The following ADGRV1 variants were observed in gnomAD, a reference collection of about 807,000 sequenced individuals.
The protein encoded by ADGRV1 is adhesion G protein-coupled receptor V1.
Under a neutral mutation model 596.2 loss-of-function variants are expected in ADGRV1, and 359 were observed. That is an observed-to-expected ratio of 0.60 (90% CI 0.55 to 0.66). The LOEUF (loss-of-function observed/expected upper bound fraction) is 0.66, where lower values mean the gene tolerates loss of function less well. Ranked by LOEUF, ADGRV1 falls within the 30% of genes least tolerant of loss-of-function variation. The pLI is 0.00. For missense variants in ADGRV1, 7,274 were observed against 7,575.6 expected (o/e 0.96, Z 1.48); for synonymous variants, 2,681 against 2,679.2 (o/e 1.00, Z -0.02).
At chr5:90,765,768 G>T (rs745705162) in intron 59 of ADGRV1, among the ~76,000 whole-genome samples, 4 of 151,598 alleles carry the variant, frequency 2.6e-5, no homozygotes, top group Non-Finnish European at 5.9e-5. Flanking sequence ...GCAGTGATGC[G>T]ATCATAGCTC....
chr5:90,755,261 G>T, intron 55 of ADGRV1, 76 bp downstream of exon 55: 1 of 933,614 alleles, frequency 1.1e-6, no homozygotes, highest in South Asian at 1.9e-5. Flanking sequence ...GCTCTTGTAA[G>T]TAAAAATCTT....
chr5:90,748,398 G>T (rs2438372), intron 52 of ADGRV1, among the ~76,000 whole-genome samples: 1 of 151,952 alleles, frequency 6.6e-6, no homozygotes, highest in Non-Finnish European at 1.5e-5. Flanking sequence ...TTAACCCAAT[G>T]TATCTGAAAT....
rs187039736 is a variant in ADGRV1, at chr5:90,863,868, G to A, written c.17856+11G>A. The A allele has an allele frequency of 3.2e-3, 4,951 of 1,552,176 alleles. 25 individuals carry two copies. The highest frequency in any genetic ancestry group is 3.5e-3 in the Non-Finnish European group (3,893 of 1,124,796). On this transcript the variant is annotated intron_variant, in intron 83 of 89. Coordinates refer to ENST00000405460, the MANE Select transcript of ADGRV1 (RefSeq NM_032119.4). ...AGCTTAGGTACACAGGTAGGAGAGC[G>A]CTGGCATTTTTGATTTATCGTGAGA...
At chr5:90,773,690 T>A (rs1757928369) in intron 59 of ADGRV1, among the ~76,000 whole-genome samples, 1 of 152,200 alleles carries the variant, frequency 6.6e-6, no homozygotes, top group African/African-American at 2.4e-5. Flanking sequence ...CCTTTAGATA[T>A]TTTTGTTAAC....
intron 77 of ADGRV1, among the ~76,000 whole-genome samples, chr5:90,833,259 A>T (rs367569039): frequency 3.3e-5 from 5 of 152,054 alleles, no homozygotes; most frequent in African/African-American, 1.2e-4. Context: ...TGCCTTCTTC[A>T]ATTTCTTGCA....
chr5:91,141,133 T>C (rs1413427455), intron 87 of ADGRV1, among the ~76,000 whole-genome samples: 1 of 152,214 alleles, frequency 6.6e-6, no homozygotes, highest in Non-Finnish European at 1.5e-5. Context: ...ATATTTATAA[T>C]TTAAAAACTA....
intron 11 of ADGRV1, among the ~76,000 whole-genome samples, chr5:90,639,459 T>C (rs535486442): frequency 7.2e-5 from 11 of 152,330 alleles, no homozygotes; most frequent in African/African-American, 2.6e-4. Context: ...TTCTAACTAT[T>C]CATTTTTAAA....
chr5:91,039,267 G>A (rs536340238), intron 85 of ADGRV1, among the ~76,000 whole-genome samples: 2 of 152,260 alleles, frequency 1.3e-5, no homozygotes, highest in South Asian at 2.1e-4. Context: ...ATGTTTTCAC[G>A]CTGTTGTCCT....
At chr5:91,109,537 T>G (rs1235459955) in intron 87 of ADGRV1, among the ~76,000 whole-genome samples, 3 of 152,164 alleles carry the variant, frequency 2.0e-5, no homozygotes, top group Non-Finnish European at 4.4e-5. Flanking sequence ...TCCAAAGGCC[T>G]TGGGGTTCTA....
chr5:90,684,066 T>G lies in ADGRV1; in HGVS notation c.6145T>G (p.Phe2049Val). Residue 2049 changes from phenylalanine (F) to valine (V), a missense_variant, in exon 28 of 90, where the codon TTT becomes GTT. By Grantham distance (50) the Phe-to-Val change is conservative. Around this residue, in one of 5 missense-constraint regions of ADGRV1, gnomAD observed 3,643 missense variants for 3,809.2 expected, o/e 0.96. Transcript: ENST00000405460. ...TATACCAGCTTCTGGATTTGCTCTT[T>G]TTGGAGCTAATCAGAGTGAGGCAAC... is the stretch of plus-strand genomic sequence containing the variant. The part of the protein sequence containing the change: ...DYIPASGFAL[F>V]GANQSEATIA... The G allele has an allele frequency of 6.2e-7, 1 of 1,613,986 alleles. No individual in the cohort carries two copies. The highest frequency in any genetic ancestry group is 1.3e-5 in the African/African-American group (1 of 75,044).
In ADGRV1 at chr5:90,690,066, T is replaced by A; in HGVS notation, c.6696T>A (p.Tyr2232Ter). 1.3e-6 allele frequency: 2 copies of A among 1,535,120 alleles called. No individual in the cohort carries two copies. Among genetic ancestry groups the A allele is most frequent in the Non-Finnish European group, 1.8e-6 (2 of 1,125,392 alleles). Reference sequence around the variant, plus strand: ...TTATTGAGGCCTCTGATGACCCCTATGGATTATTTGGTATGAAGACTAATT... The same window carrying A: ...TTATTGAGGCCTCTGATGACCCCTAAGGATTATTTGGTATGAAGACTAATT... ...VIIIEASDDP[Y>*]GLFGFQITKL... The change falls in exon 30 of 90, where the codon TAT (tyrosine) becomes TAA (stop). Residue 2232 changes from tyrosine (Y) to a stop codon, truncating the protein, a stop_gained. Transcript: ENST00000405460. LOFTEE classifies it high-confidence loss of function.
intron 40 of ADGRV1, 39 bp from the exon 41 acceptor site, chr5:90,711,145 A>AT (rs747310764): frequency 8.8e-6 from 14 of 1,583,070 alleles, no homozygotes; most frequent in Admixed American, 1.8e-5. Context: ...GGAAAAATTA[A>AT]TTTTTTTTGT....
intron 83 of ADGRV1, among the ~76,000 whole-genome samples, chr5:90,963,885 G>A (rs1778235292): frequency 6.6e-6 from 1 of 150,664 alleles, no homozygotes; most frequent in African/African-American, 2.4e-5. Flanking sequence ...TTAATTTACA[G>A]GCAATATCAA....
At chr5:90,638,078 G>A (rs934670758) in intron 11 of ADGRV1, 130 bp downstream of exon 11, 12 of 607,686 alleles carry the variant, frequency 2.0e-5, no homozygotes, top group Non-Finnish European at 3.3e-5. Flanking sequence ...TGTTATACTG[G>A]CCTTCAGACT....
rs528854225 is a variant in ADGRV1, at chr5:90,647,532, T to C, written c.3057T>C (p.Thr1019=). 4 of 1,613,604 alleles carry C rather than the reference T, an allele frequency of 2.5e-6. No individual in the cohort carries two copies. Among genetic ancestry groups the C allele is most frequent in the Non-Finnish European group, 3.4e-6 (4 of 1,179,566 alleles). ...PRVVRVQEGE[T]ANFTVLRNGS... ...TAGTGAGGGTTCAGGAAGGTGAGAC[T>C]GCCAACTTTACAGTTCTCAGAAATG... The change falls in exon 17 of 90, where the codon ACT becomes ACC. Residue 1019 remains threonine, a synonymous_variant. Transcript: ENST00000405460.
chr5:90,676,263 G>A (rs1744206959), intron 25 of ADGRV1, 54 bp downstream of exon 25: 3 of 1,530,780 alleles, frequency 2.0e-6, no homozygotes, highest in Non-Finnish European at 2.7e-6. Context: ...CCATGCTGAT[G>A]AAAGTAGATT....
At chr5:90,658,555 G>A (rs1486182810) in intron 21 of ADGRV1, among the ~76,000 whole-genome samples, 2 of 152,052 alleles carry the variant, frequency 1.3e-5, no homozygotes, top group Non-Finnish European at 2.9e-5. Context: ...GAACGTATGT[G>A]TATACTCTAC....
chr5:90,725,637 A>G lies in ADGRV1; in HGVS notation c.10142A>G (p.Asp3381Gly), dbSNP rs768784845. Residue 3381 changes from aspartate (D) to glycine (G), a missense_variant, in exon 48 of 90, where the codon GAT becomes GGT. This residue lies in a region of ADGRV1 where 3,643 missense variants were observed against 3,809.2 expected (regional missense o/e 0.96). Transcript: ENST00000405460. Reference protein sequence around the residue: ...QDYLIIASQRDDSELTQVFRW... With the variant: ...QDYLIIASQRGDSELTQVFRW... Reference sequence around the variant, plus strand: ...TATTTAATCATTGCAAGTCAAAGAGATGATTCCGAATTAACTCAGGTTTGA... The same window carrying G: ...TATTTAATCATTGCAAGTCAAAGAGGTGATTCCGAATTAACTCAGGTTTGA... 7 of 1,544,496 alleles carry G rather than the reference A, an allele frequency of 4.5e-6. No homozygotes were observed. Among genetic ancestry groups the G allele is most frequent in the Middle Eastern group, 1.7e-4 (1 of 5,786 alleles).
chr5:90,817,089 T>C (rs896847941), intron 75 of ADGRV1, among the ~76,000 whole-genome samples: 1 of 152,242 alleles, frequency 6.6e-6, no homozygotes, highest in Non-Finnish European at 1.5e-5. Context: ...TCCTGACTTA[T>C]TAATGATTGC....
Sources: gnomAD v4.1 joint callset for allele counts (sites outside exome capture counted in the v4.1 genomes callset) on GRCh38, gnomAD v4.1.1 for gene constraint, gnomAD v4.1.1 regional missense constraint, MANE v1.5 for transcripts, NCBI Gene and HGNC (gene_info 2026-07-23, HGNC 2026-07-21) for gene names.